The following GPC5 variants were observed in gnomAD, a reference collection of about 807,000 sequenced individuals.
GPC5 encodes the protein glypican 5.
In GPC5, 47 loss-of-function variants were observed where a neutral mutation model predicts 53.9. The ratio of observed to expected loss-of-function variants is 0.87; its 90% CI spans 0.69 to 1.11. The LOEUF (loss-of-function observed/expected upper bound fraction) is 1.11, where lower values mean the gene tolerates loss of function less well. GPC5 is among the 50% of genes most tolerant of loss of function. The pLI, the probability that GPC5 is intolerant of heterozygous loss-of-function variation, is 0.00. For synonymous variants in GPC5, 286 were observed against 263.3 expected (o/e 1.09, Z -0.84); for missense variants, 748 against 713.1 (o/e 1.05, Z -0.56).
chr13:92,502,542 T>C (rs1166496517), intron 7 of GPC5, among the ~76,000 whole-genome samples: 2 of 151,940 alleles, frequency 1.3e-5, no homozygotes, highest in African/African-American at 2.4e-5. Context: ...AAATAATATA[T>C]ATGCACACAC....
At chr13:92,085,802 G>A (rs1324183166) in intron 6 of GPC5, among the ~76,000 whole-genome samples, 3 of 152,100 alleles carry the variant, frequency 2.0e-5, no homozygotes, top group Non-Finnish European at 2.9e-5. Flanking sequence ...GTTGACAGTA[G>A]GGTTCATACT....
At chr13:92,122,201 G>T (rs1316693191) in intron 6 of GPC5, among the ~76,000 whole-genome samples, 1 of 152,036 alleles carries the variant, frequency 6.6e-6, no homozygotes, top group African/African-American at 2.4e-5. Context: ...GGCAATTTAG[G>T]GTGCCTTTTG....
chr13:92,758,634 C>T (rs1311400358), intron 7 of GPC5, among the ~76,000 whole-genome samples: 2 of 152,112 alleles, frequency 1.3e-5, no homozygotes, highest in African/African-American at 2.4e-5. Context: ...GAGCTGACGT[C>T]ACTTGTGTTT....
At chr13:92,790,662 A>C (rs1407072389) in intron 7 of GPC5, among the ~76,000 whole-genome samples, 3 of 152,142 alleles carry the variant, frequency 2.0e-5, no homozygotes, top group Non-Finnish European at 4.4e-5. Context: ...GAAGGAATAA[A>C]GGAAGGAAGG....
At chr13:92,131,727 G>A (rs2041745084) in intron 6 of GPC5, among the ~76,000 whole-genome samples, 3 of 151,834 alleles carry the variant, frequency 2.0e-5, no homozygotes, top group Admixed American at 2.0e-4. Context: ...GAAGGTTTAT[G>A]GGGTATTTCT....
intron 5 of GPC5, among the ~76,000 whole-genome samples, chr13:91,770,662 C>T (rs1328303325): frequency 7.3e-5 from 11 of 150,408 alleles, no homozygotes; most frequent in Middle Eastern, 3.2e-3. Context: ...TCCCAGTCGC[C>T]GCTTTAGGAG....
chr13:92,325,210 CATCA>C (rs2043242926), intron 7 of GPC5, among the ~76,000 whole-genome samples: 1 of 151,808 alleles, frequency 6.6e-6, no homozygotes, highest in Non-Finnish European at 1.5e-5. Context: ...TCCGTATACA[CATCA>C]ATCTAATGGT....
At chr13:91,552,317 G>A (rs937549168) in intron 2 of GPC5, among the ~76,000 whole-genome samples, 2 of 151,962 alleles carry the variant, frequency 1.3e-5, no homozygotes, top group Non-Finnish European at 2.9e-5. Flanking sequence ...ACACAGCTCC[G>A]TGAATAAGCA....
chr13:91,987,683 T>C (rs1319279550), intron 6 of GPC5, among the ~76,000 whole-genome samples: 3 of 149,902 alleles, frequency 2.0e-5, no homozygotes, highest in African/African-American at 4.9e-5. Flanking sequence ...GTCTTTTATG[T>C]GACCAGTAGG....
intron 7 of GPC5, among the ~76,000 whole-genome samples, chr13:92,790,265 T>C (rs1468271320): frequency 6.6e-6 from 1 of 152,110 alleles, no homozygotes; most frequent in African/African-American, 2.4e-5. Context: ...GTATTAACCA[T>C]CACAGAAGGA....
intron 7 of GPC5, among the ~76,000 whole-genome samples, chr13:92,389,893 A>C (rs1382960658): frequency 6.6e-6 from 1 of 152,308 alleles, no homozygotes; most frequent in Middle Eastern, 3.4e-3. Flanking sequence ...AAAAGTATGA[A>C]CTACAAGTTG....
At chr13:91,891,330 C>T (rs914514081) in intron 5 of GPC5, among the ~76,000 whole-genome samples, 2 of 152,112 alleles carry the variant, frequency 1.3e-5, no homozygotes, top group African/African-American at 4.8e-5. Context: ...CCTAGGCTTG[C>T]CAGGAAGTGA....
chr13:92,082,390 G>A (rs2041303133), intron 6 of GPC5, among the ~76,000 whole-genome samples: 1 of 152,074 alleles, frequency 6.6e-6, no homozygotes, highest in South Asian at 2.1e-4. Flanking sequence ...GCCTCCTCGT[G>A]ATTTCATTTG....
intron 7 of GPC5, among the ~76,000 whole-genome samples, chr13:92,424,686 C>G (rs1344624277): frequency 6.6e-6 from 1 of 151,634 alleles, no homozygotes; most frequent in African/African-American, 2.4e-5. Flanking sequence ...TTCCACTAGT[C>G]TCACCTTTTT....
At chr13:91,687,935 G>T (rs536996082) in intron 2 of GPC5, among the ~76,000 whole-genome samples, 2 of 152,104 alleles carry the variant, frequency 1.3e-5, no homozygotes, top group African/African-American at 4.8e-5. Context: ...AAGTAGATGT[G>T]ATTAATTGTT....
intron 7 of GPC5, among the ~76,000 whole-genome samples, chr13:92,242,380 A>G (rs1337747648): frequency 6.6e-6 from 1 of 152,152 alleles, no homozygotes; most frequent in Non-Finnish European, 1.5e-5. Context: ...CCCTACTTGT[A>G]GACCATTTTG....
intron 2 of GPC5, among the ~76,000 whole-genome samples, chr13:91,625,957 T>C (rs888754857): frequency 2.0e-5 from 3 of 152,110 alleles, no homozygotes; most frequent in Admixed American, 6.6e-5. Context: ...AGATATTTAG[T>C]CTTTCAATTT....
chr13:91,864,248 T>C (rs2039061096), intron 5 of GPC5, among the ~76,000 whole-genome samples: 1 of 152,200 alleles, frequency 6.6e-6, no homozygotes, highest in African/African-American at 2.4e-5. Context: ...GTAGTTTTCT[T>C]TGAAAGATTT....
At chr13:92,561,974 C>A (rs771004617) in intron 7 of GPC5, among the ~76,000 whole-genome samples, 120 of 152,030 alleles carry the variant, frequency 7.9e-4, no homozygotes, top group Non-Finnish European at 1.5e-3. Flanking sequence ...TTCCTGATAT[C>A]TGTTTCTTTA....
Sources: gnomAD v4.1 joint callset for allele counts (sites outside exome capture counted in the v4.1 genomes callset) on GRCh38, gnomAD v4.1.1 for gene constraint, MANE v1.5 for transcripts, NCBI Gene and HGNC (gene_info 2026-07-23, HGNC 2026-07-21) for gene names.